Variants in GABRG2 observed in about 807,000 individuals in gnomAD.
GABRG2 encodes gamma-aminobutyric acid type A receptor subunit gamma2, also known as gamma-aminobutyric acid receptor subunit gamma-2.
A neutral mutation model predicts 56.4 loss-of-function variants in GABRG2; 16 were observed. The observed-to-expected ratio is 0.28, with a 90% CI of 0.19 to 0.43. The LOEUF (loss-of-function observed/expected upper bound fraction) is 0.43. Among genes scored for constraint, GABRG2 ranks in the 20% least tolerant of loss-of-function variants. The probability of loss-of-function intolerance (pLI) is 1.00; values close to 1 mark genes in which losing one functional copy is unlikely to be tolerated. For missense variants in GABRG2, 327 were observed against 582.7 expected, an observed-to-expected ratio of 0.56 and a Z score of 4.52; for synonymous variants, 208 against 205.5, an observed-to-expected ratio of 1.01 and a Z score of -0.10.
intron 6 of GABRG2, among the ~76,000 whole-genome samples, chr5:162,114,598 G>T (rs1258335624): frequency 6.6e-6 from 1 of 151,970 alleles, no homozygotes; most frequent in East Asian, 1.9e-4. Flanking sequence ...ATCACAAAAT[G>T]ACACTCTAAA....
intron 1 of GABRG2, among the ~76,000 whole-genome samples, chr5:162,085,030 A>G (rs962246727): frequency 1.3e-4 from 20 of 151,826 alleles, no homozygotes; most frequent in African/African-American, 4.3e-4. Flanking sequence ...TAAAACTTCC[A>G]TGTTAGTGTG....
chr5:162,124,926 G>T (rs1370659775), intron 6 of GABRG2, among the ~76,000 whole-genome samples: 1 of 150,328 alleles, frequency 6.7e-6, no homozygotes, highest in African/African-American at 2.4e-5. Flanking sequence ...TAAATAAGAT[G>T]CAGTTTTTGC....
At position 162,067,976 on chromosome 5, in the gene GABRG2, G is replaced by C. The variant is rs997531721; in HGVS notation, c.-24G>C. 32 of 1,506,856 alleles carry C rather than the reference G, an allele frequency of 2.1e-5. No individual in the cohort carries two copies. The highest frequency in any genetic ancestry group is 2.9e-5 in the Non-Finnish European group (32 of 1,085,288). 93.3% of individuals were successfully genotyped at this position (1,506,856 alleles called of 1,614,324 possible). On this transcript the variant is annotated 5_prime_UTR_variant, in exon 1 of 10. Coordinates refer to ENST00000639213, the MANE Select transcript of GABRG2 (RefSeq NM_198904.4). ...CTTCTGCAACCAAGAGGCAAGAGGC[G>C]AGAGAAGGAAAAAAAAAAAAGCGAT...
intron 2 of GABRG2, 147 bp downstream of exon 2, chr5:162,094,126 T>C: frequency 1.2e-6 from 1 of 837,342 alleles, no homozygotes; most frequent in Non-Finnish European, 1.9e-6. Flanking sequence ...TAAATAGCAT[T>C]CAGGCCTATG....
chr5:162,140,280 C>T (rs751570194), intron 6 of GABRG2, among the ~76,000 whole-genome samples: 1 of 152,212 alleles, frequency 6.6e-6, no homozygotes, highest in Non-Finnish European at 1.5e-5. Context: ...ACTACCTCAG[C>T]CAGGTCTGAC....
chr5:162,101,359 C>T (rs370315018), intron 5 of GABRG2, 42 bp downstream of exon 5: 92 of 1,287,494 alleles, frequency 7.1e-5, no homozygotes, highest in Non-Finnish European at 1.0e-4. Context: ...CCCTCACCTA[C>T]AGTCTTTCTG....
intron 1 of GABRG2, among the ~76,000 whole-genome samples, chr5:162,075,752 GA>G (rs894435298): frequency 1.3e-5 from 2 of 149,148 alleles, no homozygotes; most frequent in African/African-American, 2.5e-5. Context: ...TGGCTGTCAG[GA>G]AAAAAAAATA....
At chr5:162,079,319 TGTAA>T (rs1488038520) in intron 1 of GABRG2, among the ~76,000 whole-genome samples, 1 of 152,148 alleles carries the variant, frequency 6.6e-6, no homozygotes, top group East Asian at 1.9e-4. Context: ...TACTTCAGGT[TGTAA>T]GTGATATATA....
intron 1 of GABRG2, among the ~76,000 whole-genome samples, chr5:162,071,458 T>A (rs1758667330): frequency 6.6e-6 from 1 of 151,918 alleles, no homozygotes; most frequent in Admixed American, 6.6e-5. Flanking sequence ...TTTTTGATGA[T>A]CTGTCTAAAC....
chr5:162,102,911 G>A (rs1561644843), intron 5 of GABRG2: 1 of 162,452 alleles, frequency 6.2e-6, no homozygotes, highest in Non-Finnish European at 1.4e-5. Context: ...GAACTATGTG[G>A]GATTTTATTC....
At chr5:162,089,897 T>A (rs1760424953) in intron 1 of GABRG2, among the ~76,000 whole-genome samples, 1 of 152,136 alleles carries the variant, frequency 6.6e-6, no homozygotes. Flanking sequence ...AGGTGGAAAT[T>A]TAAAATTCCA....
At chr5:162,134,014 G>A (rs909333023) in intron 6 of GABRG2, among the ~76,000 whole-genome samples, 1 of 152,052 alleles carries the variant, frequency 6.6e-6, no homozygotes, top group Non-Finnish European at 1.5e-5. Context: ...GTCATTGAGG[G>A]CCCCAGTTAT....
chr5:162,141,521 T>G (rs1489272982), intron 6 of GABRG2, among the ~76,000 whole-genome samples: 1 of 152,164 alleles, frequency 6.6e-6, no homozygotes, highest in Non-Finnish European at 1.5e-5. Flanking sequence ...AAATGGGAAC[T>G]GTTTGTAGAC....
chr5:162,086,188 A>G (rs1760093756), intron 1 of GABRG2, among the ~76,000 whole-genome samples: 1 of 152,062 alleles, frequency 6.6e-6, no homozygotes, highest in Admixed American at 6.6e-5. Flanking sequence ...TCCTTTTAGT[A>G]TTAACTGTAA....
At chr5:162,102,424 C>T (rs1399920985) in intron 5 of GABRG2, 3 of 437,018 alleles carry the variant, frequency 6.9e-6, no homozygotes, top group Non-Finnish European at 1.4e-5. Context: ...TGAAAATGAT[C>T]CTCTGAACCC....
At chr5:162,102,789 ATCTC>A (rs1761529089) in intron 5 of GABRG2, 2 of 328,426 alleles carry the variant, frequency 6.1e-6, no homozygotes, top group South Asian at 4.9e-5. Context: ...ATACTATCAT[ATCTC>A]TCTCCATCCC....
chr5:162,092,637 G>T (rs560817334), intron 1 of GABRG2, among the ~76,000 whole-genome samples: 242 of 152,204 alleles, frequency 1.6e-3, no homozygotes, highest in African/African-American at 5.3e-3. Context: ...TATACTTGAT[G>T]ACCGAGTATG....
intron 6 of GABRG2, among the ~76,000 whole-genome samples, chr5:162,118,204 GGTGTGTGTGTGT>G (rs3079259): frequency 2.1e-5 from 3 of 146,194 alleles, no homozygotes; most frequent in African/African-American, 7.5e-5. Context: ...AGGTTCTGAT[GGTGTGTGTGTGT>G]GTGTGTGTGT....
chr5:162,142,122 AT>A (rs780308239), intron 6 of GABRG2, 41 bp from the exon 7 acceptor site: 1 of 1,603,862 alleles, frequency 6.2e-7, no homozygotes, highest in Non-Finnish European at 8.5e-7. Flanking sequence ...TTTTCCAGTG[AT>A]TGATAAAGGG....
Sources: allele counts gnomAD v4.1 joint callset (sites outside exome capture counted in the v4.1 genomes callset), GRCh38; gene constraint gnomAD v4.1.1; transcripts MANE v1.5; gene names NCBI Gene and HGNC (gene_info 2026-07-23, HGNC 2026-07-21).